Variants in DGKG observed in about 807,000 individuals in gnomAD.
The protein encoded by DGKG is DAG kinase gamma.
Under a neutral mutation model 105.3 loss-of-function variants are expected in DGKG, and 78 were observed. The ratio of observed to expected loss-of-function variants is 0.74; its 90% CI spans 0.62 to 0.89. The LOEUF (loss-of-function observed/expected upper bound fraction) is 0.89. Ranked by LOEUF, DGKG falls within the 40% of genes least tolerant of loss-of-function variation. DGKG has a pLI of 0.00. For missense variants in DGKG, 958 were observed against 1,020.1 expected (o/e 0.94, Z 0.83); for synonymous variants, 346 against 367.1 (o/e 0.94, Z 0.66).
intron 21 of DGKG, among the ~76,000 whole-genome samples, chr3:186,196,570 T>C (rs1490098765): frequency 1.3e-5 from 2 of 152,220 alleles, no homozygotes; most frequent in Non-Finnish European, 2.9e-5. Flanking sequence ...TGGCCCAATG[T>C]TACTTAGCTA....
chr3:186,357,686 C>G (rs1370098248), intron 1 of DGKG, among the ~76,000 whole-genome samples: 1 of 152,208 alleles, frequency 6.6e-6, no homozygotes, highest in Non-Finnish European at 1.5e-5. Context: ...ACATTTACTA[C>G]CACCATCCCT....
At chr3:186,178,096 A>G (rs1717175972) in intron 22 of DGKG, among the ~76,000 whole-genome samples, 1 of 152,034 alleles carries the variant, frequency 6.6e-6, no homozygotes. Flanking sequence ...CAGGAAGAAG[A>G]CTCTCACCAG....
intron 2 of DGKG, among the ~76,000 whole-genome samples, chr3:186,309,510 T>C (rs545653143): frequency 6.6e-6 from 1 of 152,356 alleles, no homozygotes; most frequent in African/African-American, 2.4e-5. Flanking sequence ...CAGAGCTCAG[T>C]TAACATCACA....
At chr3:186,350,486 T>C (rs890430526) in intron 1 of DGKG, among the ~76,000 whole-genome samples, 4 of 152,224 alleles carry the variant, frequency 2.6e-5, no homozygotes, top group African/African-American at 9.6e-5. Context: ...TATCCAGTCA[T>C]CCATAAGGGA....
intron 19 of DGKG, among the ~76,000 whole-genome samples, chr3:186,249,064 C>A (rs1357628851): frequency 6.6e-6 from 1 of 152,166 alleles, no homozygotes; most frequent in East Asian, 1.9e-4. Flanking sequence ...GAAGGCTGCA[C>A]ATGTTCCTGC....
At chr3:186,184,246 G>A (rs1216025991) in intron 22 of DGKG, among the ~76,000 whole-genome samples, 1 of 152,046 alleles carries the variant, frequency 6.6e-6, no homozygotes, top group East Asian at 1.9e-4. Flanking sequence ...TAGGGTGGTT[G>A]GGTAATTTCC....
chr3:186,246,865 G>T (rs1720968234), intron 19 of DGKG, among the ~76,000 whole-genome samples: 1 of 152,180 alleles, frequency 6.6e-6, no homozygotes, highest in Non-Finnish European at 1.5e-5. Context: ...TGGCCCTTGG[G>T]CTCCCCTAGC....
At chr3:186,262,326 C>T (rs995818056) in intron 14 of DGKG, among the ~76,000 whole-genome samples, 1 of 152,174 alleles carries the variant, frequency 6.6e-6, no homozygotes, top group Non-Finnish European at 1.5e-5. Flanking sequence ...GACCCATCTT[C>T]TCTCCCTATG....
At chr3:186,174,164 T>C (rs1217043432) in intron 22 of DGKG, among the ~76,000 whole-genome samples, 1 of 152,206 alleles carries the variant, frequency 6.6e-6, no homozygotes, top group East Asian at 1.9e-4. Context: ...AATGTATTAA[T>C]AGATACAATA....
chr3:186,265,657 C>CTTTTTTTTTTTTTTTT lies in DGKG; in HGVS notation c.1210-367_1210-352dup, dbSNP rs68014632. ...TTGGCGACTTGGCTTTTCTTCCTTT[C>CTTTTTTTTTTTTTTTT]TTTTTTTTTTTTTTTTTTTTTTTTG... is the stretch of plus-strand genomic sequence containing the variant. On this transcript the variant is annotated intron_variant, in intron 13 of 24. Transcript: ENST00000265022. Among the ~76,000 whole-genome samples the CTTTTTTTTTTTTTTTT allele has an allele frequency of 1.9e-4, 15 of 77,378 alleles. 2 individuals carry two copies. Among genetic ancestry groups the CTTTTTTTTTTTTTTTT allele is most frequent in the African/African-American group, 7.7e-4 (15 of 19,564 alleles). 50.8% of individuals were successfully genotyped at this position (77,378 alleles called of 152,430 possible).
At chr3:186,154,666 A>G (rs1560073585) in intron 24 of DGKG, among the ~76,000 whole-genome samples, 1 of 151,398 alleles carries the variant, frequency 6.6e-6, no homozygotes, top group South Asian at 2.1e-4. Flanking sequence ...AAAAAAAAGA[A>G]AAGAAAAAGA....
intron 1 of DGKG, among the ~76,000 whole-genome samples, chr3:186,352,827 C>G (rs1191527573): frequency 3.3e-5 from 5 of 152,158 alleles, no homozygotes; most frequent in African/African-American, 4.8e-5. Context: ...AAGACAGCAG[C>G]CTGAGGGGTT....
intron 20 of DGKG, among the ~76,000 whole-genome samples, chr3:186,229,085 T>C (rs1720000120): frequency 6.6e-6 from 1 of 151,994 alleles, no homozygotes; most frequent in Non-Finnish European, 1.5e-5. Context: ...GAGAAGGCCG[T>C]GTGATGATGG....
At chr3:186,345,635 T>G (rs377248073) in intron 1 of DGKG, among the ~76,000 whole-genome samples, 107 of 152,370 alleles carry the variant, frequency 7.0e-4, no homozygotes, top group African/African-American at 2.4e-3. Context: ...TTCACTGTCT[T>G]ATCCTTTCAG....
chr3:186,309,793 C>G (rs572236584), intron 2 of DGKG, among the ~76,000 whole-genome samples: 6 of 152,106 alleles, frequency 3.9e-5, no homozygotes, highest in Non-Finnish European at 8.8e-5. Flanking sequence ...TAGCAGAATT[C>G]CTTTGATTCT....
chr3:186,292,762 C>A (rs1005848189), intron 5 of DGKG, among the ~76,000 whole-genome samples: 1 of 151,808 alleles, frequency 6.6e-6, no homozygotes, highest in Non-Finnish European at 1.5e-5. Flanking sequence ...GAACTGCGAT[C>A]GTGCCACTGC....
intron 24 of DGKG, among the ~76,000 whole-genome samples, chr3:186,156,454 ATTGAT>A (rs1716040473): frequency 6.6e-6 from 1 of 152,064 alleles, no homozygotes; most frequent in African/African-American, 2.4e-5. Context: ...CTTCTGTACT[ATTGAT>A]TTATCTATCC....
intron 11 of DGKG, among the ~76,000 whole-genome samples, chr3:186,271,937 T>TCCTTCCACA (rs1352531200): frequency 6.6e-6 from 1 of 152,208 alleles, no homozygotes; most frequent in African/African-American, 2.4e-5. Context: ...CACACAGCTG[T>TCCTTCCACA]GTTACTGTAG....
rs142953458 is a variant in DGKG, at chr3:186,188,267, C to T, written c.2030G>A (p.Arg677Gln). ...CTTCCTGCTTTCCCGGATCACAGCCCGGTTCTTCTTGTTTTCTCCCCAGAG... is the reference window on the plus strand; with the variant it reads ...CTTCCTGCTTTCCCGGATCACAGCCTGGTTCTTCTTGTTTTCTCCCCAGAG... The part of the protein sequence containing the change: ...TNLWGENKKN[R>Q]AVIRESRKGV... Residue 677 changes from arginine (R) to glutamine (Q), a missense_variant, in exon 22 of 25, where the codon CGG becomes CAG. Coordinates refer to ENST00000265022, the MANE Select transcript of DGKG (RefSeq NM_001346.3). 199 of 1,614,028 alleles carry T rather than the reference C, an allele frequency of 1.2e-4. No individual in the cohort carries two copies. The Middle Eastern group carries it at 2.0e-3, about 16-fold the overall frequency.
Sources: gnomAD v4.1 joint callset for allele counts (sites outside exome capture counted in the v4.1 genomes callset) on GRCh38, gnomAD v4.1.1 for gene constraint, MANE v1.5 for transcripts, NCBI Gene and HGNC (gene_info 2026-07-23, HGNC 2026-07-21) for gene names.